TTC7B: variants seen among roughly 807,000 people sequenced by gnomAD.
TTC7B encodes tetratricopeptide repeat protein 7B.
Under a neutral mutation model 106.8 loss-of-function variants are expected in TTC7B, and 28 were observed. That is an observed-to-expected ratio of 0.26 (90% CI 0.19 to 0.36). The LOEUF (loss-of-function observed/expected upper bound fraction) is 0.36. TTC7B is among the 10% of genes least tolerant of loss of function. TTC7B has a pLI of 1.00. For missense variants in TTC7B, 862 were observed against 1,076.4 expected, an observed-to-expected ratio of 0.80 and a Z score of 2.79; for synonymous variants, 405 against 430.6, an observed-to-expected ratio of 0.94 and a Z score of 0.74.
chr14:90,785,024 A>C (rs767783856), intron 2 of TTC7B, among the ~76,000 whole-genome samples: 7 of 152,174 alleles, frequency 4.6e-5, no homozygotes, highest in Non-Finnish European at 8.8e-5. Context: ...GATGACCAAG[A>C]GGAGGAACAG....
At chr14:90,754,083 T>C (rs1431285236) in intron 3 of TTC7B, among the ~76,000 whole-genome samples, 3 of 152,240 alleles carry the variant, frequency 2.0e-5, no homozygotes, top group Non-Finnish European at 1.5e-5. Context: ...ATAATTCATC[T>C]ATAAATGCTA....
intron 12 of TTC7B, among the ~76,000 whole-genome samples, chr14:90,654,202 C>T (rs763708056): frequency 7.2e-5 from 11 of 152,078 alleles, no homozygotes; most frequent in Non-Finnish European, 1.3e-4. Context: ...ACGGAGGGCT[C>T]CCCAGGGGGC....
intron 5 of TTC7B, among the ~76,000 whole-genome samples, chr14:90,724,545 G>A (rs775628272): frequency 1.3e-4 from 20 of 152,260 alleles, no homozygotes; most frequent in South Asian, 2.1e-4. Flanking sequence ...CGAACTGTTC[G>A]TTTAAAAGTA....
Position 90,537,555 on chromosome 14 carries a change from C to T in TTC7B, c.*3813G>A, listed in dbSNP as rs545284517. On this transcript the variant is annotated 3_prime_UTR_variant, in exon 20 of 20. Coordinates refer to ENST00000328459, the MANE Select transcript of TTC7B (RefSeq NM_001010854.2). Reference sequence around the variant, plus strand: ...ACACTGTTAGCATGGTCCACGAGGCCGCACCTGTGTGGCCCCTGTTAAACT... The same window carrying T: ...ACACTGTTAGCATGGTCCACGAGGCTGCACCTGTGTGGCCCCTGTTAAACT... 3.9e-5 allele frequency: 6 copies of T among 152,322 alleles called. No homozygotes were observed. The highest frequency in any genetic ancestry group is 1.9e-4 in the East Asian group (1 of 5,184). 9.4% of individuals were successfully genotyped at this position (152,322 alleles called of 1,614,324 possible).
rs1313155232 is a variant in TTC7B at position 90,608,319 on chromosome 14, C to G, written c.1966+2423G>C. On this transcript the variant is annotated intron_variant, in intron 17 of 19. Coordinates refer to ENST00000328459, the MANE Select transcript of TTC7B (RefSeq NM_001010854.2). This position sits in a 1 kb window ranked among gnomAD's most constrained non-coding sequence, Gnocchi z 5.1. ...CCTCCTAAAATGGCCTTCCATTTTTCTGATTCCCTGGTCTCTTGGTTAAAT... is the reference window on the plus strand; with the variant it reads ...CCTCCTAAAATGGCCTTCCATTTTTGTGATTCCCTGGTCTCTTGGTTAAAT... 1.3e-5 allele frequency among the ~76,000 whole-genome samples: 2 copies of G among 152,172 alleles called. No homozygotes were observed. Among genetic ancestry groups the G allele is most frequent in the Non-Finnish European group, 2.9e-5 (2 of 68,030 alleles).
At chr14:90,786,025 A>T in intron 2 of TTC7B, 149 bp downstream of exon 2, 1 of 932,562 alleles carries the variant, frequency 1.1e-6, no homozygotes, top group Non-Finnish European at 1.5e-6. Context: ...TGGCACATCC[A>T]CCCAACTGGG....
At chr14:90,810,540 A>G (rs7144014) in intron 1 of TTC7B, among the ~76,000 whole-genome samples, 7,673 of 152,308 alleles carry the variant, frequency 0.05, 342 homozygotes, top group African/African-American at 0.12. Flanking sequence ...GTTGGACTAC[A>G]TCAATGGGTT....
intron 19 of TTC7B, among the ~76,000 whole-genome samples, chr14:90,572,696 T>A (rs962100311): frequency 2.0e-5 from 3 of 152,226 alleles, no homozygotes; most frequent in African/African-American, 7.2e-5. Context: ...TGTCTCACAA[T>A]CCGTCCACAG....
At chr14:90,572,930 A>T (rs1411744486) in intron 19 of TTC7B, among the ~76,000 whole-genome samples, 4 of 152,044 alleles carry the variant, frequency 2.6e-5, no homozygotes, top group African/African-American at 9.7e-5. Context: ...TCTTTGGGCC[A>T]ACTGCCTCAG....
intron 1 of TTC7B, among the ~76,000 whole-genome samples, chr14:90,803,504 T>C (rs1385502764): frequency 1.3e-5 from 2 of 152,206 alleles, no homozygotes; most frequent in Admixed American, 6.5e-5. Context: ...GCAGGGCTCC[T>C]GCTGGTTCCT....
intron 4 of TTC7B, among the ~76,000 whole-genome samples, chr14:90,738,834 T>G (rs1889646151): frequency 6.6e-6 from 1 of 152,180 alleles, no homozygotes; most frequent in African/African-American, 2.4e-5. Flanking sequence ...GATACCAGCC[T>G]GGGCAACACA....
At chr14:90,588,947 C>A (rs1459616189) in intron 18 of TTC7B, among the ~76,000 whole-genome samples, 1 of 144,866 alleles carries the variant, frequency 6.9e-6, no homozygotes. Flanking sequence ...AGAGACAAGG[C>A]AGATTTCTTT....
intron 18 of TTC7B, among the ~76,000 whole-genome samples, chr14:90,586,334 G>A (rs1288104872): frequency 6.6e-6 from 1 of 152,074 alleles, no homozygotes; most frequent in Non-Finnish European, 1.5e-5. Flanking sequence ...GCAGTGGTGC[G>A]ATCTCGGCTC....
intron 19 of TTC7B, among the ~76,000 whole-genome samples, chr14:90,571,030 G>A (rs923375302): frequency 7.2e-5 from 11 of 152,106 alleles, no homozygotes; most frequent in African/African-American, 2.4e-4. Flanking sequence ...ACGATTTCAC[G>A]ACTTTCTTGT....
intron 9 of TTC7B, 68 bp downstream of exon 9, chr14:90,676,455 C>A: frequency 1.3e-6 from 2 of 1,561,422 alleles, no homozygotes; most frequent in Non-Finnish European, 1.7e-6. Context: ...GGTCTCACAG[C>A]GCTTCCCTGG....
intron 3 of TTC7B, among the ~76,000 whole-genome samples, chr14:90,749,812 A>C (rs1479671707): frequency 2.0e-5 from 3 of 152,226 alleles, no homozygotes; most frequent in Non-Finnish European, 4.4e-5. Context: ...AATCACATCC[A>C]GTGTACTTTT....
In TTC7B at chr14:90,742,222, G is replaced by A. The variant is rs531029840; in HGVS notation, c.576+2570C>T. ...TGCCTAGCTAGTTTCGTTTCATTTC[G>A]TTTCGTTCGCTTCTTTCTTTCTTCC... is the stretch of plus-strand genomic sequence containing the variant. On this transcript the variant is annotated intron_variant, in intron 4 of 19. Coordinates refer to ENST00000328459, the MANE Select transcript of TTC7B (RefSeq NM_001010854.2). The surrounding 1 kb of genome is among the most constrained non-coding windows in gnomAD (Gnocchi z 4.1). Among the ~76,000 whole-genome samples, 4 of 151,670 alleles carry A rather than the reference G, an allele frequency of 2.6e-5. No homozygotes were observed. Among genetic ancestry groups the A allele is most frequent in the Non-Finnish European group, 5.9e-5 (4 of 67,906 alleles).
At chr14:90,565,928 C>T (rs569284229) in intron 19 of TTC7B, among the ~76,000 whole-genome samples, 2 of 152,080 alleles carry the variant, frequency 1.3e-5, no homozygotes, top group African/African-American at 4.8e-5. Context: ...GTTCATGGTG[C>T]CCCCAAACAA....
chr14:90,703,452 G>A (rs1888079083), intron 5 of TTC7B, among the ~76,000 whole-genome samples: 1 of 152,174 alleles, frequency 6.6e-6, no homozygotes, highest in Non-Finnish European at 1.5e-5. Flanking sequence ...CTGGAAGTTC[G>A]AGTGTGAGGA....
Sources: allele counts gnomAD v4.1 joint callset (sites outside exome capture counted in the v4.1 genomes callset), GRCh38; gene constraint gnomAD v4.1.1; non-coding constraint Gnocchi (gnomAD v3.1); transcripts MANE v1.5; gene names NCBI Gene and HGNC (gene_info 2026-07-23, HGNC 2026-07-21).